The following COBL variants were observed in gnomAD, a reference collection of about 807,000 sequenced individuals.
COBL encodes protein cordon-bleu.
A neutral mutation model predicts 98.8 loss-of-function variants in COBL; 51 were observed. The observed-to-expected ratio is 0.52, with a 90% CI of 0.41 to 0.65. The LOEUF (loss-of-function observed/expected upper bound fraction) is 0.65. Among genes scored for constraint, COBL ranks in the 30% least tolerant of loss-of-function variants. The probability of loss-of-function intolerance (pLI) is 0.00; values close to 1 mark genes in which losing one functional copy is unlikely to be tolerated. For missense variants in COBL, 1,617 were observed against 1,617.5 expected, an observed-to-expected ratio of 1.00 and a Z score of 0.01; for synonymous variants, 634 against 651.7, an observed-to-expected ratio of 0.97 and a Z score of 0.41.
chr7:51,260,182 A>C, intron 1 of COBL: 10 of 856,560 alleles, frequency 1.2e-5, no homozygotes, highest in Middle Eastern at 3.6e-4. Context: ...CTAGAGTTGT[A>C]GCTACTGATC....
At chr7:51,112,222 T>C (rs2128978686) in intron 6 of COBL, among the ~76,000 whole-genome samples, 1 of 152,352 alleles carries the variant, frequency 6.6e-6, no homozygotes, top group East Asian at 1.9e-4. Flanking sequence ...ATAGAGTAAG[T>C]ATCTTTGCTA....
At chr7:51,242,215 A>G (rs556329776) in intron 1 of COBL, among the ~76,000 whole-genome samples, 12 of 152,320 alleles carry the variant, frequency 7.9e-5, no homozygotes, top group African/African-American at 2.9e-4. Flanking sequence ...CCCACAACCA[A>G]TCAGACTGAC....
intron 6 of COBL, among the ~76,000 whole-genome samples, chr7:51,124,348 T>A (rs1316256716): frequency 6.6e-6 from 1 of 151,650 alleles, no homozygotes; most frequent in Non-Finnish European, 1.5e-5. Flanking sequence ...AGATTAGCAA[T>A]CTCCAATTGA....
intron 1 of COBL, among the ~76,000 whole-genome samples, chr7:51,222,575 C>G (rs1330122355): frequency 6.6e-6 from 1 of 152,102 alleles, no homozygotes; most frequent in East Asian, 1.9e-4. Context: ...TTAGAAAGAA[C>G]AGATTCCATA....
At chr7:51,223,016 C>T (rs568273376) in intron 1 of COBL, among the ~76,000 whole-genome samples, 20 of 152,338 alleles carry the variant, frequency 1.3e-4, no homozygotes, top group Middle Eastern at 6.8e-3. Context: ...CTCTACAGCA[C>T]ACACAAAGGT....
intron 1 of COBL, among the ~76,000 whole-genome samples, chr7:51,259,243 CACA>C (rs895444180): frequency 1.4e-5 from 2 of 147,170 alleles, no homozygotes; most frequent in Non-Finnish European, 3.0e-5. Flanking sequence ...GCCGAGATCA[CACA>C]ACCGCACTCC....
chr7:51,212,644 C>A (rs899000054), intron 2 of COBL, among the ~76,000 whole-genome samples: 9 of 152,200 alleles, frequency 5.9e-5, no homozygotes, highest in African/African-American at 2.2e-4. Context: ...CTGTTCATGC[C>A]ACCCCACCAG....
intron 6 of COBL, among the ~76,000 whole-genome samples, chr7:51,120,273 T>C (rs904882100): frequency 6.6e-6 from 1 of 152,052 alleles, no homozygotes; most frequent in African/African-American, 2.4e-5. Context: ...ATATAAGTTA[T>C]TTCACTGTCA....
In COBL at chr7:51,026,681, T is replaced by A; in HGVS notation, c.3385-16A>T. On this transcript the variant is annotated splice_polypyrimidine_tract_variant and intron_variant, in intron 10 of 12. Transcript: ENST00000265136. ...GTTCTGCCGTCTAGAATATTAACAGTGTCACACATTTCACTGAGAACATGG... is the reference window on the plus strand; with the variant it reads ...GTTCTGCCGTCTAGAATATTAACAGAGTCACACATTTCACTGAGAACATGG... The A allele has an allele frequency of 6.2e-7, 1 of 1,609,852 alleles. No individual in the cohort carries two copies. Among genetic ancestry groups the A allele is most frequent in the South Asian group, 1.1e-5 (1 of 90,874 alleles).
intron 1 of COBL, among the ~76,000 whole-genome samples, chr7:51,273,342 A>AG (rs972970832): frequency 2.0e-5 from 3 of 151,838 alleles, no homozygotes; most frequent in African/African-American, 7.3e-5. Context: ...AAAAAAAAAA[A>AG]AAAAGAAAAA....
chr7:51,284,744 T>C (rs7784463), intron 1 of COBL, among the ~76,000 whole-genome samples: 7,086 of 150,708 alleles, frequency 0.047, 356 homozygotes, highest in African/African-American at 0.12. Context: ...GGAGAATCAC[T>C]TGAACCCAGG....
intron 2 of COBL, among the ~76,000 whole-genome samples, chr7:51,216,743 G>A (rs938858978): frequency 1.3e-5 from 2 of 152,036 alleles, no homozygotes; most frequent in Non-Finnish European, 1.5e-5. Flanking sequence ...TTCCTTTGTG[G>A]AATCCTTCAT....
At chr7:51,132,903 G>A (rs1454284223) in intron 6 of COBL, among the ~76,000 whole-genome samples, 1 of 152,090 alleles carries the variant, frequency 6.6e-6, no homozygotes, top group African/African-American at 2.4e-5. Flanking sequence ...TCCCCATGGG[G>A]ATGGCACCAA....
At chr7:51,077,694 T>C (rs967090844) in intron 7 of COBL, among the ~76,000 whole-genome samples, 1 of 152,206 alleles carries the variant, frequency 6.6e-6, no homozygotes, top group African/African-American at 2.4e-5. Flanking sequence ...ACAAAGACTA[T>C]CAAGAAAGCA....
chr7:51,193,687 G>C (rs1381057208), intron 2 of COBL, 98 bp from the exon 3 acceptor site: 13 of 1,012,642 alleles, frequency 1.3e-5, no homozygotes, highest in Non-Finnish European at 1.9e-5. Context: ...GTGGATGAAT[G>C]AGCAAATTAG....
Position 51,027,705 on chromosome 7 carries a change from T to A in COBL, c.3384+7A>T. On this transcript the variant is annotated splice_region_variant and intron_variant, in intron 10 of 12. Transcript: ENST00000265136. Reference sequence around the variant, plus strand: ...GGAAGGCCTGCCCCGGAAGCCGCCATCCTCACCTTGCGTAGTCTGTCCTTC... The same window carrying A: ...GGAAGGCCTGCCCCGGAAGCCGCCAACCTCACCTTGCGTAGTCTGTCCTTC... 1 of 1,606,370 alleles carries A rather than the reference T, an allele frequency of 6.2e-7. No individual in the cohort carries two copies.
rs540374654 is a variant in COBL, at chr7:51,096,875, C to T, written c.958-11571G>A. On this transcript the variant is annotated intron_variant, in intron 6 of 12. Coordinates refer to ENST00000265136, the MANE Select transcript of COBL (RefSeq NM_015198.5). ...CCAAAAACCTTCCAACAAAGAAAAG[C>T]CCACAACCAGATGGCTTCAATGGAG... is the stretch of plus-strand genomic sequence containing the variant. Among the ~76,000 whole-genome samples the T allele has an allele frequency of 6.2e-4, 95 of 152,216 alleles. 1 individual carries two copies. In the South Asian group the frequency reaches 0.019, roughly 31 times the overall value.
intron 12 of COBL, among the ~76,000 whole-genome samples, chr7:51,024,105 C>G (rs1214219182): frequency 6.6e-6 from 1 of 151,978 alleles, no homozygotes. Flanking sequence ...GTCAGGAGAT[C>G]GAGACCATCC....
chr7:51,220,117 A>T (rs1244100564), intron 1 of COBL, among the ~76,000 whole-genome samples, 173 bp from the exon 2 acceptor site: 2 of 152,236 alleles, frequency 1.3e-5, no homozygotes, highest in Non-Finnish European at 2.9e-5. Flanking sequence ...TAAACAAAAT[A>T]GAGAAAGGGT....
Sources: allele counts gnomAD v4.1 joint callset (sites outside exome capture counted in the v4.1 genomes callset), GRCh38; gene constraint gnomAD v4.1.1; transcripts MANE v1.5; gene names NCBI Gene and HGNC (gene_info 2026-07-23, HGNC 2026-07-21).